Variants in ASAP1 observed in about 807,000 individuals in gnomAD.
The protein encoded by ASAP1 is ArfGAP with SH3 domain, ankyrin repeat and PH domain 1, also known as arf-GAP with SH3 domain, ANK repeat and PH domain-containing protein 1.
Under a neutral mutation model 145.2 loss-of-function variants are expected in ASAP1, and 43 were observed. The observed-to-expected ratio is 0.30, with a 90% confidence interval of 0.23 to 0.38. The LOEUF (loss-of-function observed/expected upper bound fraction) is 0.38, where lower values mean the gene tolerates loss of function less well. Among genes scored for constraint, ASAP1 ranks in the 10% least tolerant of loss-of-function variants. The probability of loss-of-function intolerance (pLI) is 1.00; values close to 1 mark genes in which losing one functional copy is unlikely to be tolerated. For synonymous variants in ASAP1, 546 were observed against 515.5 expected (o/e 1.06, Z -0.80); for missense variants, 1,018 against 1,355.3 (o/e 0.75, Z 3.91).
intron 3 of ASAP1, among the ~76,000 whole-genome samples, chr8:130,292,240 C>T (rs1170420955): frequency 6.6e-6 from 1 of 152,198 alleles, no homozygotes; most frequent in Non-Finnish European, 1.5e-5. Context: ...CCAACACATG[C>T]CAGACAATGG....
intron 2 of ASAP1, among the ~76,000 whole-genome samples, chr8:130,382,532 T>C (rs1586945703): frequency 6.6e-6 from 1 of 152,272 alleles, no homozygotes; most frequent in African/African-American, 2.4e-5. Flanking sequence ...GTATTCTCAT[T>C]TGTATCCCCA....
intron 3 of ASAP1, among the ~76,000 whole-genome samples, chr8:130,308,852 GCC>G (rs1823151613): frequency 6.6e-6 from 1 of 152,086 alleles, no homozygotes; most frequent in East Asian, 1.9e-4. Context: ...GACCAGCCTG[GCC>G]AACATGGTAA....
intron 15 of ASAP1, among the ~76,000 whole-genome samples, chr8:130,133,063 A>G (rs138924643): frequency 6.6e-5 from 10 of 152,284 alleles, no homozygotes; most frequent in African/African-American, 1.7e-4. Flanking sequence ...AGAGGAACAT[A>G]GCATGTATTC....
intron 3 of ASAP1, among the ~76,000 whole-genome samples, chr8:130,253,007 T>C (rs1423947676): frequency 6.6e-6 from 1 of 152,180 alleles, no homozygotes; most frequent in Non-Finnish European, 1.5e-5. Flanking sequence ...TAAGATCCTA[T>C]AATGTCCTAA....
rs77535355 is a variant in ASAP1, at chr8:130,282,249, T to C, written c.187-45255A>G. On this transcript the variant is annotated intron_variant, in intron 3 of 29. Coordinates refer to ENST00000518721, the MANE Select transcript of ASAP1 (RefSeq NM_018482.4). ...ACCATGTTTTAGGGATCTAATAATC[T>C]ATATCTGGGAAACCACTATTTCCCT... Among the ~76,000 whole-genome samples the C allele has an allele frequency of 2.3e-3, 349 of 152,298 alleles. 1 individual carries two copies. Among genetic ancestry groups the C allele is most frequent in the African/African-American group, 8.3e-3 (343 of 41,556 alleles).
chr8:130,427,775 T>C (rs1829977410), intron 1 of ASAP1: 1 of 152,182 alleles, frequency 6.6e-6, no homozygotes, highest in Admixed American at 6.5e-5. Flanking sequence ...CTTCTCCCCT[T>C]CAGTTTGAAT....
intron 3 of ASAP1, among the ~76,000 whole-genome samples, chr8:130,299,150 G>A (rs1175461077): frequency 6.6e-6 from 1 of 152,146 alleles, no homozygotes; most frequent in Non-Finnish European, 1.5e-5. Flanking sequence ...CTGCAGGTCT[G>A]CCCAGAGGCT....
intron 2 of ASAP1, chr8:130,361,768 A>G (rs1396539111): frequency 6.5e-7 from 1 of 1,533,006 alleles, no homozygotes; most frequent in South Asian, 1.2e-5. Context: ...TCATTCCTGG[A>G]TATCTGAAAG....
chr8:130,107,311 T>C (rs1592814849), intron 24 of ASAP1, among the ~76,000 whole-genome samples: 1 of 150,598 alleles, frequency 6.6e-6, no homozygotes, highest in Non-Finnish European at 1.5e-5. Context: ...GCCTCCCAAG[T>C]AGCTGGGACT....
intron 27 of ASAP1, among the ~76,000 whole-genome samples, chr8:130,073,160 C>G (rs1485654031): frequency 6.6e-6 from 1 of 151,418 alleles, no homozygotes; most frequent in African/African-American, 2.4e-5. Context: ...GAGGCTGAGG[C>G]GGGGGGATCA....
At chr8:130,193,409 A>C (rs1028489514) in intron 5 of ASAP1, among the ~76,000 whole-genome samples, 2 of 151,942 alleles carry the variant, frequency 1.3e-5, no homozygotes, top group East Asian at 1.9e-4. Flanking sequence ...AAAAACCCCC[A>C]AAAAACTCTC....
chr8:130,216,588 C>T (rs1046250131), intron 4 of ASAP1, among the ~76,000 whole-genome samples: 1 of 152,176 alleles, frequency 6.6e-6, no homozygotes, highest in Non-Finnish European at 1.5e-5. Context: ...TTCTTCATCT[C>T]TCTGACCTCA....
intron 5 of ASAP1, among the ~76,000 whole-genome samples, chr8:130,196,348 A>AC (rs1230324500): frequency 3.3e-5 from 5 of 152,002 alleles, no homozygotes; most frequent in Non-Finnish European, 7.4e-5. Flanking sequence ...ATCTCAAAAA[A>AC]AAAAAAAAAA....
intron 12 of ASAP1, among the ~76,000 whole-genome samples, chr8:130,153,357 A>ATATATATG (rs1337737853): frequency 6.3e-4 from 25 of 39,898 alleles, no homozygotes; most frequent in Non-Finnish European, 1.0e-3. Flanking sequence ...ATATATATAT[A>ATATATATG]TGTATATATA....
intron 3 of ASAP1, among the ~76,000 whole-genome samples, chr8:130,260,996 C>T (rs533593231): frequency 4.7e-4 from 72 of 152,092 alleles, no homozygotes; most frequent in African/African-American, 1.6e-3. Context: ...ATCAACTTTA[C>T]GCAGAGATGC....
At chr8:130,175,216 T>TTGTG (rs372810166) in intron 9 of ASAP1, among the ~76,000 whole-genome samples, 1 of 151,378 alleles carries the variant, frequency 6.6e-6, no homozygotes, top group African/African-American at 2.4e-5. Flanking sequence ...TTCTGGCCAT[T>TTGTG]TGTGTGTGTG....
intron 28 of ASAP1, 95 bp from the exon 29 acceptor site, chr8:130,058,171 C>T (rs1329946166): frequency 7.3e-7 from 1 of 1,362,612 alleles, no homozygotes; most frequent in East Asian, 2.3e-5. Context: ...TGGCCAGTAA[C>T]TTAACCTCGC....
At chr8:130,336,579 G>T (rs1825049197) in intron 3 of ASAP1, among the ~76,000 whole-genome samples, 1 of 152,218 alleles carries the variant, frequency 6.6e-6, no homozygotes, top group Non-Finnish European at 1.5e-5. Context: ...ATGGGTAAAA[G>T]AAATAAAGAC....
At chr8:130,247,795 C>T (rs1201058581) in intron 3 of ASAP1, among the ~76,000 whole-genome samples, 2 of 152,168 alleles carry the variant, frequency 1.3e-5, no homozygotes, top group Non-Finnish European at 2.9e-5. Flanking sequence ...CACAGAGGGG[C>T]TTTCCACTTA....
Sources: gnomAD v4.1 joint callset for allele counts (sites outside exome capture counted in the v4.1 genomes callset) on GRCh38, gnomAD v4.1.1 for gene constraint, MANE v1.5 for transcripts, NCBI Gene and HGNC (gene_info 2026-07-23, HGNC 2026-07-21) for gene names.